LINGO2: variants seen among roughly 807,000 people sequenced by gnomAD.
LINGO2 encodes the protein leucine-rich repeat and immunoglobulin-like domain-containing nogo receptor-interacting protein 2.
Under a neutral mutation model 30.6 loss-of-function variants are expected in LINGO2, and 14 were observed. That is an observed-to-expected ratio of 0.46 (90% CI 0.30 to 0.72). LINGO2 has a LOEUF of 0.72. Among genes scored for constraint, LINGO2 ranks in the 30% least tolerant of loss-of-function variants. The pLI is 0.07. For missense variants in LINGO2, 729 were observed against 751.7 expected (o/e 0.97, Z 0.35); for synonymous variants, 317 against 288.5 (o/e 1.10, Z -1.00).
chr9:28,557,264 A>G (rs937826352), intron 1 of LINGO2, among the ~76,000 whole-genome samples: 2 of 152,012 alleles, frequency 1.3e-5, no homozygotes, highest in African/African-American at 4.8e-5. Context: ...AAGGGCTAAT[A>G]TCCAGAATCT....
At chr9:28,680,470 T>G in the LINGO2 span, among the ~76,000 whole-genome samples, 1 of 152,130 alleles carries the variant, frequency 6.6e-6, no homozygotes, top group Non-Finnish European at 1.5e-5. Context: ...CCTTGGGATA[T>G]ATACCCAGTA....
the LINGO2 span, among the ~76,000 whole-genome samples, chr9:29,194,657 C>G: frequency 6.6e-6 from 1 of 152,168 alleles, no homozygotes; most frequent in African/African-American, 2.4e-5. Flanking sequence ...TAACTATGCT[C>G]TGATCACAAG....
exon 6 of LINGO2, chr9:27,948,848 C>T (rs200873552): frequency 2.5e-6 from 4 of 1,602,372 alleles, no homozygotes; most frequent in Admixed American, 3.4e-5. Context: ...GAGGGGTGGG[C>T]CTTCAAATCA....
chr9:28,110,990 T>C (rs1342343311), intron 4 of LINGO2, among the ~76,000 whole-genome samples: 1 of 152,138 alleles, frequency 6.6e-6, no homozygotes, highest in African/African-American at 2.4e-5. Context: ...CCAACCCAAA[T>C]GCCCATCAAT....
At chr9:29,062,753 G>A in the LINGO2 span, among the ~76,000 whole-genome samples, 5 of 151,326 alleles carry the variant, frequency 3.3e-5, no homozygotes, top group African/African-American at 1.2e-4. Context: ...TCTAGAGATG[G>A]ATAGTGATGA....
chr9:28,086,998 A>G (rs553911265), intron 4 of LINGO2, among the ~76,000 whole-genome samples: 1 of 152,140 alleles, frequency 6.6e-6, no homozygotes, highest in East Asian at 1.9e-4. Context: ...CTTGTGTGAC[A>G]ATGTGCCAGT....
chr9:28,066,637 G>A (rs1224964757), intron 4 of LINGO2, among the ~76,000 whole-genome samples: 4 of 151,996 alleles, frequency 2.6e-5, no homozygotes, highest in Admixed American at 2.6e-4. Flanking sequence ...TAAGATTTAG[G>A]GGGAGGAAAA....
At chr9:28,289,716 C>T (rs1404936577) in intron 4 of LINGO2, among the ~76,000 whole-genome samples, 2 of 152,112 alleles carry the variant, frequency 1.3e-5, no homozygotes, top group African/African-American at 2.4e-5. Flanking sequence ...AGAGTTTTGA[C>T]CTCTAATGGA....
At chr9:28,860,349 T>A in the LINGO2 span, among the ~76,000 whole-genome samples, 1 of 152,056 alleles carries the variant, frequency 6.6e-6, no homozygotes, top group Admixed American at 6.6e-5. Context: ...CCCTCTATAA[T>A]GTGGGTAGGC....
chr9:27,966,079 T>C (rs1028857182), intron 5 of LINGO2, among the ~76,000 whole-genome samples: 28 of 152,132 alleles, frequency 1.8e-4, no homozygotes, highest in African/African-American at 6.5e-4. Flanking sequence ...TTATTATTAT[T>C]ATCACTATTT....
At chr9:28,687,501 T>C in the LINGO2 span, among the ~76,000 whole-genome samples, 16 of 152,088 alleles carry the variant, frequency 1.1e-4, no homozygotes, top group Non-Finnish European at 1.8e-4. Context: ...CCAGAAGCTG[T>C]CCTATAATAT....
chr9:28,585,227 C>G (rs1824468984), intron 1 of LINGO2, among the ~76,000 whole-genome samples: 1 of 152,002 alleles, frequency 6.6e-6, no homozygotes, highest in African/African-American at 2.4e-5. Flanking sequence ...GGAAATCATT[C>G]TGTTTTAACT....
chr9:28,037,467 T>C (rs797021284), intron 4 of LINGO2, among the ~76,000 whole-genome samples: 28 of 150,208 alleles, frequency 1.9e-4, no homozygotes, highest in African/African-American at 6.9e-4. Context: ...ATCTTCTGTC[T>C]CCTTTAAAAA....
chr9:28,367,842 A>G (rs1341571176), intron 3 of LINGO2, among the ~76,000 whole-genome samples: 1 of 152,070 alleles, frequency 6.6e-6, no homozygotes, highest in African/African-American at 2.4e-5. Context: ...TTCAAGAACT[A>G]TTATGAGTCA....
At chr9:28,106,972 GA>G (rs1260548313) in intron 4 of LINGO2, among the ~76,000 whole-genome samples, 4 of 152,126 alleles carry the variant, frequency 2.6e-5, no homozygotes, top group African/African-American at 4.8e-5. Context: ...GCTTTCTCAT[GA>G]AGTTTCCATG....
downstream of LINGO2, among the ~76,000 whole-genome samples, chr9:27,947,336 A>T (rs1334965713): frequency 6.6e-6 from 1 of 152,204 alleles, no homozygotes; most frequent in Non-Finnish European, 1.5e-5. Context: ...TTTGAGTAAC[A>T]GTCATTAATA....
the LINGO2 span, among the ~76,000 whole-genome samples, chr9:29,023,557 G>T: frequency 6.6e-6 from 1 of 151,982 alleles, no homozygotes; most frequent in South Asian, 2.1e-4. Flanking sequence ...AGATACAGTA[G>T]TTACAAAATG....
the LINGO2 span, among the ~76,000 whole-genome samples, chr9:28,816,774 C>T: frequency 6.6e-6 from 1 of 152,046 alleles, no homozygotes; most frequent in African/African-American, 2.4e-5. Flanking sequence ...CTGCTTTACT[C>T]AGAAAAAATA....
At chr9:29,123,474 C>T in the LINGO2 span, among the ~76,000 whole-genome samples, 2 of 151,574 alleles carry the variant, frequency 1.3e-5, no homozygotes, top group Non-Finnish European at 2.9e-5. Flanking sequence ...TATGTTTTAC[C>T]CTGAGGCTTT....
Sources: gnomAD v4.1 joint callset for allele counts (sites outside exome capture counted in the v4.1 genomes callset) on GRCh38, gnomAD v4.1.1 for gene constraint, MANE v1.5 for transcripts, NCBI Gene and HGNC (gene_info 2026-07-23, HGNC 2026-07-21) for gene names.